The following ZNF215 variants were observed in gnomAD, a reference collection of about 807,000 sequenced individuals.
ZNF215 encodes the protein zinc finger protein 215, also known as BWSCR2-associated zinc finger protein 2.
A neutral mutation model predicts 27.2 loss-of-function variants in ZNF215; 24 were observed. The observed-to-expected ratio is 0.88, with a 90% CI of 0.64 to 1.24. The LOEUF is 1.24. Ranked by LOEUF, ZNF215 falls within the 50% of genes most tolerant of loss-of-function variation. The pLI is 0.00. For missense variants in ZNF215, 675 were observed against 605.7 expected, an observed-to-expected ratio of 1.11 and a Z score of -1.20; for synonymous variants, 210 against 204.0, an observed-to-expected ratio of 1.03 and a Z score of -0.25.
chr11:6,978,947 A>G (rs1590087368), intron 5 of ZNF215, among the ~76,000 whole-genome samples: 1 of 152,180 alleles, frequency 6.6e-6, no homozygotes, highest in South Asian at 2.1e-4. Flanking sequence ...TATGTTTTCC[A>G]GCTCTATCAC....
At chr11:6,930,111 T>A (rs1849197938) in intron 2 of ZNF215, among the ~76,000 whole-genome samples, 2 of 151,312 alleles carry the variant, frequency 1.3e-5, no homozygotes, top group Non-Finnish European at 2.9e-5. Flanking sequence ...TTTTTTTTTT[T>A]AATTTTTTGA....
downstream of ZNF215, among the ~76,000 whole-genome samples, chr11:6,985,340 A>G (rs138679700): frequency 6.3e-3 from 964 of 152,308 alleles, 10 homozygotes; most frequent in African/African-American, 0.022. Flanking sequence ...ATAACGTCCA[A>G]TGTCCCTTCA....
At chr11:6,937,607 A>G (rs1849483385) in intron 3 of ZNF215, among the ~76,000 whole-genome samples, 1 of 151,072 alleles carries the variant, frequency 6.6e-6, no homozygotes, top group Non-Finnish European at 1.5e-5. Context: ...TTTAGAATGT[A>G]TACTTCTCAA....
chr11:6,942,602 T>G (rs1449500343), intron 4 of ZNF215, among the ~76,000 whole-genome samples: 2 of 152,180 alleles, frequency 1.3e-5, no homozygotes, highest in Middle Eastern at 3.2e-3. Context: ...TGAGTGACAT[T>G]AAACTGTGAG....
chr11:6,955,817 G>A lies in ZNF215; in HGVS notation c.840G>A (p.Trp280Ter). 1 of 1,613,738 alleles carries A rather than the reference G, an allele frequency of 6.2e-7. No homozygotes were observed. Residue 280 changes from tryptophan (W) to a stop codon, truncating the protein, a stop_gained, in exon 7 of 7, where the codon TGG (tryptophan) becomes TGA (stop). Coordinates refer to ENST00000278319, the MANE Select transcript of ZNF215 (RefSeq NM_013250.4). LOFTEE classifies it low-confidence loss of function (END_TRUNC). ...GGTTATATAGGAACCAGAAAAAATG[G>A]GACATAAATTTGCCACAAGAGGCTT... The part of the protein sequence containing the change: ...ENWLYRNQKK[W>*]DINLPQEAFI...
At chr11:6,955,624 T>TATATGCCTTATA in intron 6 of ZNF215, 66 bp from the exon 7 acceptor site, 1 of 1,511,024 alleles carries the variant, frequency 6.6e-7, no homozygotes, top group South Asian at 1.4e-5. Context: ...CCTTATACAG[T>TATATGCCTTATA]TCAGCCTCCA....
intron 3 of ZNF215, among the ~76,000 whole-genome samples, chr11:6,935,046 A>G (rs1849385618): frequency 6.6e-6 from 1 of 152,208 alleles, no homozygotes; most frequent in African/African-American, 2.4e-5. Context: ...ACCTAGTTCA[A>G]AAGTCACTCA....
intron 5 of ZNF215, among the ~76,000 whole-genome samples, chr11:6,965,850 T>A (rs1207293981): frequency 6.6e-6 from 1 of 152,172 alleles, no homozygotes; most frequent in Non-Finnish European, 1.5e-5. Flanking sequence ...TTTAGTATTT[T>A]AGTTCTGTCT....
chr11:6,973,561 G>C (rs148035988), intron 5 of ZNF215, among the ~76,000 whole-genome samples: 1,636 of 152,236 alleles, frequency 0.011, 18 homozygotes, highest in Non-Finnish European at 0.016. Flanking sequence ...AGCACCTGTT[G>C]TTTCCTGACT....
chr11:6,956,510 G>T lies in ZNF215; in HGVS notation c.1533G>T (p.Leu511=), dbSNP rs1313337187. 3 of 1,596,502 alleles carry T rather than the reference G, an allele frequency of 1.9e-6. No individual in the cohort carries two copies. The highest frequency in any genetic ancestry group is 1.1e-5 in the South Asian group (1 of 87,794). The change falls in exon 7 of 7, where the codon CTG becomes CTT. Residue 511 remains leucine, a synonymous_variant. Transcript: ENST00000278319. ...CAAACCTTGTTAAACATCAAAAACTGCATACTCGAGATAAGTCCTGAAAAA... is the reference window on the plus strand; with the variant it reads ...CAAACCTTGTTAAACATCAAAAACTTCATACTCGAGATAAGTCCTGAAAAA... ...RSSNLVKHQK[L]HTRDKS is the part of the protein sequence containing the mutation.
At position 6,932,379 on chromosome 11, in the gene ZNF215, A is replaced by G. The variant is rs11041107; in HGVS notation, c.107A>G (p.Asn36Ser). The G allele has an allele frequency of 2.6e-4, 418 of 1,614,014 alleles. 1 individual carries two copies. The highest frequency in any genetic ancestry group is 7.7e-4 in the African/African-American group (58 of 74,962). ...GATATGTCTTGGCAGCAGGAAACCA[A>G]CCCCGTCGTGGAGACACATGACTCT... ...RADMSWQQET[N>S]PVVETHDSEA... is the part of the protein sequence containing the mutation. Residue 36 changes from asparagine to serine, a missense_variant, in exon 3 of 7, where the codon AAC becomes AGC. Asn to Ser is a conservative substitution (Grantham distance 46). Transcript: ENST00000278319.
chr11:6,940,136 G>C (rs1849585795), intron 3 of ZNF215, among the ~76,000 whole-genome samples: 2 of 151,830 alleles, frequency 1.3e-5, no homozygotes, highest in Non-Finnish European at 2.9e-5. Context: ...AAGAGGCTGA[G>C]GCAGGAGGAT....
chr11:6,940,105 T>C (rs1476649089), intron 3 of ZNF215, among the ~76,000 whole-genome samples: 1 of 151,446 alleles, frequency 6.6e-6, no homozygotes, highest in Non-Finnish European at 1.5e-5. Flanking sequence ...TGGTGGCACA[T>C]GCCTGTAGTC....
intron 3 of ZNF215, among the ~76,000 whole-genome samples, chr11:6,936,736 A>G (rs1849448195): frequency 6.6e-6 from 1 of 152,044 alleles, no homozygotes; most frequent in African/African-American, 2.4e-5. Context: ...AAAATGACTT[A>G]GTGGGATTGA....
At chr11:6,983,725 C>T (rs547428107) in intron 5 of ZNF215, among the ~76,000 whole-genome samples, 184 of 151,972 alleles carry the variant, frequency 1.2e-3, no homozygotes, top group African/African-American at 4.0e-3. Flanking sequence ...TTAGAAAATA[C>T]GAATAAAACC....
In ZNF215 at chr11:6,957,311, G is replaced by A. The variant is rs1850400859; in HGVS notation, c.*780G>A. On this transcript the variant is annotated 3_prime_UTR_variant, in exon 7 of 7. Coordinates refer to ENST00000278319, the MANE Select transcript of ZNF215 (RefSeq NM_013250.4). ...TCTCCCTATGTCTCCGGGTGCTCCA[G>A]TTTCAAACCCCAAAGATGTATACAT... 2.5e-6 allele frequency: 1 copy of A among 400,614 alleles called. No individual in the cohort carries two copies. The highest frequency in any genetic ancestry group is 6.4e-5 in the Admixed American group (1 of 15,558). 24.8% of individuals were successfully genotyped at this position (400,614 alleles called of 1,614,324 possible). A position where few individuals can be genotyped will look rare whatever the true frequency, so the allele number is the denominator to read the frequency against.
chr11:6,965,917 T>G (rs1189152619), intron 5 of ZNF215, among the ~76,000 whole-genome samples: 1 of 152,196 alleles, frequency 6.6e-6, no homozygotes, highest in Non-Finnish European at 1.5e-5. Context: ...AGACTAATGC[T>G]GGTATAATTA....
intron 5 of ZNF215, among the ~76,000 whole-genome samples, chr11:6,976,630 C>T (rs538156198): frequency 6.6e-6 from 1 of 152,016 alleles, no homozygotes; most frequent in Admixed American, 6.6e-5. Flanking sequence ...GAAGAAATTG[C>T]TTCCTCTCTG....
intron 6 of ZNF215, among the ~76,000 whole-genome samples, chr11:6,952,727 C>T (rs1000815548): frequency 6.6e-6 from 1 of 152,092 alleles, no homozygotes. Flanking sequence ...GCATTTAGTC[C>T]ATTTACATGT....
Sources: gnomAD v4.1 joint callset for allele counts (sites outside exome capture counted in the v4.1 genomes callset) on GRCh38, gnomAD v4.1.1 for gene constraint, MANE v1.5 for transcripts, NCBI Gene and HGNC (gene_info 2026-07-23, HGNC 2026-07-21) for gene names.